The following FRMD4A variants were observed in gnomAD, a reference collection of about 807,000 sequenced individuals.
FRMD4A encodes FERM domain containing 4A, also known as FERM domain-containing protein 4A.
In FRMD4A, 29 loss-of-function variants were observed where a neutral mutation model predicts 129.1. The observed-to-expected ratio is 0.22, with a 90% CI of 0.17 to 0.31. The LOEUF (loss-of-function observed/expected upper bound fraction) is 0.31, where lower values mean the gene tolerates loss of function less well. FRMD4A is among the 10% of genes least tolerant of loss of function. FRMD4A has a pLI of 1.00. For synonymous variants in FRMD4A, 634 were observed against 571.6 expected (o/e 1.11, Z -1.56); for missense variants, 1,272 against 1,375.8 (o/e 0.92, Z 1.19).
chr10:13,984,347 C>A (rs571401930), intron 2 of FRMD4A, among the ~76,000 whole-genome samples: 5 of 152,180 alleles, frequency 3.3e-5, no homozygotes, highest in Non-Finnish European at 1.5e-5. Context: ...AACCCCCAAC[C>A]CTTTCAGTTC....
At chr10:14,002,352 C>T (rs1288087329) in intron 2 of FRMD4A, among the ~76,000 whole-genome samples, 1 of 152,144 alleles carries the variant, frequency 6.6e-6, no homozygotes, top group Non-Finnish European at 1.5e-5. Context: ...ACAGCATGGT[C>T]TTAGAGTTCC....
intron 2 of FRMD4A, among the ~76,000 whole-genome samples, chr10:13,935,156 G>A (rs1263720708): frequency 1.3e-5 from 2 of 152,024 alleles, no homozygotes; most frequent in African/African-American, 2.4e-5. Flanking sequence ...GAAAACAAAT[G>A]GGCTGGGTGT....
chr10:13,779,336 CTT>C, intron 6 of FRMD4A, among the ~76,000 whole-genome samples: 1 of 150,662 alleles, frequency 6.6e-6, no homozygotes. Context: ...AAAAAAAAGA[CTT>C]ATTTAATCTT....
At chr10:14,185,415 G>A (rs971205535) in intron 2 of FRMD4A, among the ~76,000 whole-genome samples, 3 of 152,304 alleles carry the variant, frequency 2.0e-5, no homozygotes, top group East Asian at 1.9e-4. Flanking sequence ...ACCACCCTAA[G>A]CGTAAGGAGA....
At chr10:14,150,873 C>T (rs377490920) in intron 2 of FRMD4A, among the ~76,000 whole-genome samples, 2 of 152,300 alleles carry the variant, frequency 1.3e-5, no homozygotes, top group African/African-American at 4.8e-5. Context: ...TCCACCAAGG[C>T]AGGTTATCAA....
intron 8 of FRMD4A, among the ~76,000 whole-genome samples, chr10:13,756,665 TAA>T (rs1335963520): frequency 2.6e-5 from 4 of 152,182 alleles, no homozygotes; most frequent in Non-Finnish European, 5.9e-5. Flanking sequence ...ATGCTTTGCT[TAA>T]AGTTATTATT....
intron 3 of FRMD4A, among the ~76,000 whole-genome samples, chr10:13,836,539 C>A (rs1448380449): frequency 6.6e-6 from 1 of 152,058 alleles, no homozygotes; most frequent in Non-Finnish European, 1.5e-5. Flanking sequence ...ACCCGTTACC[C>A]CTAGTAGAGC....
intron 2 of FRMD4A, among the ~76,000 whole-genome samples, chr10:14,319,135 G>A (rs1260070444): frequency 6.6e-6 from 1 of 152,146 alleles, no homozygotes; most frequent in Non-Finnish European, 1.5e-5. Context: ...CTTATCTCCA[G>A]AAGATTCCAA....
At chr10:14,080,971 T>G (rs1407804362) in intron 2 of FRMD4A, among the ~76,000 whole-genome samples, 1 of 151,972 alleles carries the variant, frequency 6.6e-6, no homozygotes, top group Non-Finnish European at 1.5e-5. Flanking sequence ...AACCGTCATC[T>G]CTGTAAGTGG....
chr10:13,966,972 G>T (rs1333841312), intron 2 of FRMD4A, among the ~76,000 whole-genome samples: 1 of 152,210 alleles, frequency 6.6e-6, no homozygotes. Context: ...AGTAACTCTG[G>T]AATGGAAAAC....
chr10:14,276,409 A>G (rs1390097020), intron 2 of FRMD4A, among the ~76,000 whole-genome samples: 4 of 152,214 alleles, frequency 2.6e-5, no homozygotes. Context: ...GCCACTTGGC[A>G]CAAACCTCAC....
At chr10:14,006,709 T>G (rs1009851945) in intron 2 of FRMD4A, among the ~76,000 whole-genome samples, 7 of 152,174 alleles carry the variant, frequency 4.6e-5, no homozygotes, top group African/African-American at 1.7e-4. Context: ...ATAAAAATTT[T>G]GTTACCATAC....
At chr10:13,900,925 G>A (rs1247328692) in intron 2 of FRMD4A, among the ~76,000 whole-genome samples, 1 of 151,838 alleles carries the variant, frequency 6.6e-6, no homozygotes, top group African/African-American at 2.4e-5. Context: ...AATAAAATAA[G>A]AAGGTTAAAA....
At chr10:14,246,323 A>T (rs1425853112) in intron 2 of FRMD4A, among the ~76,000 whole-genome samples, 1 of 152,194 alleles carries the variant, frequency 6.6e-6, no homozygotes, top group African/African-American at 2.4e-5. Context: ...TCAGGAAAGT[A>T]CTTTATGAGC....
At chr10:14,122,332 T>G (rs913468369) in intron 2 of FRMD4A, among the ~76,000 whole-genome samples, 13 of 152,214 alleles carry the variant, frequency 8.5e-5, no homozygotes, top group Non-Finnish European at 1.6e-4. Flanking sequence ...AAGGTTTTTT[T>G]TATACGTAAA....
At chr10:13,772,122 A>AT (rs1338185020) in intron 6 of FRMD4A, among the ~76,000 whole-genome samples, 7 of 146,118 alleles carry the variant, frequency 4.8e-5, no homozygotes, top group African/African-American at 1.5e-4. Context: ...GCCTCAAAAA[A>AT]ATATATATAT....
intron 2 of FRMD4A, among the ~76,000 whole-genome samples, chr10:14,072,804 G>A (rs1212343297): frequency 6.6e-6 from 1 of 152,134 alleles, no homozygotes; most frequent in Non-Finnish European, 1.5e-5. Context: ...AAAGGAAAAT[G>A]AGGTGAGATG....
intron 2 of FRMD4A, among the ~76,000 whole-genome samples, chr10:13,864,098 C>T (rs568368079): frequency 7.2e-5 from 11 of 151,978 alleles, no homozygotes; most frequent in Admixed American, 2.0e-4. Context: ...CGGGTTCAAG[C>T]GATTCTCCTG....
Position 13,783,497 on chromosome 10 carries a change from G to A in FRMD4A, c.300-491C>T, listed in dbSNP as rs894042671. On this transcript the variant is annotated intron_variant, in intron 5 of 24. Coordinates refer to ENST00000357447, the MANE Select transcript of FRMD4A (RefSeq NM_018027.5). ...CCTCCCAGGCTCAAGCAACCTTCCCGCCTCAGCTTCCTGAGCAGCTGAGAC... is the reference window on the plus strand; with the variant it reads ...CCTCCCAGGCTCAAGCAACCTTCCCACCTCAGCTTCCTGAGCAGCTGAGAC... 4.0e-5 allele frequency among the ~76,000 whole-genome samples: 6 copies of A among 150,916 alleles called. No homozygotes were observed. In the South Asian group the frequency reaches 6.3e-4, roughly 16 times the overall value.
Sources: gnomAD v4.1 joint callset for allele counts (sites outside exome capture counted in the v4.1 genomes callset) on GRCh38, gnomAD v4.1.1 for gene constraint, MANE v1.5 for transcripts, NCBI Gene and HGNC (gene_info 2026-07-23, HGNC 2026-07-21) for gene names.